CFAP99: variants seen among roughly 807,000 people sequenced by gnomAD.
CFAP99 encodes the protein cilia and flagella associated protein 99, also known as cilia- and flagella-associated protein 99.
CFAP99 carries 84 observed loss-of-function variants against 82.7 expected under a neutral mutation model. That is an observed-to-expected ratio of 1.02 (90% confidence interval 0.85 to 1.22). CFAP99 has a LOEUF of 1.22. CFAP99 is among the 50% of genes most tolerant of loss of function. CFAP99 has a pLI of 0.00. For synonymous variants in CFAP99, 456 were observed against 429.5 expected (o/e 1.06, Z -0.76); for missense variants, 1,059 against 983.5 (o/e 1.08, Z -1.03).
chr4:2,431,238 G>A (rs1438578198), intron 2 of CFAP99, among the ~76,000 whole-genome samples: 4 of 151,090 alleles, frequency 2.6e-5, no homozygotes, highest in Middle Eastern at 3.6e-3. Flanking sequence ...GCATGGTGGC[G>A]GGTGCCTGTG....
In CFAP99 at chr4:2,462,431, G is replaced by A. The variant is rs1190029555; in HGVS notation, c.1662-12G>A. On this transcript the variant is annotated splice_polypyrimidine_tract_variant and intron_variant, in intron 14 of 14. Transcript: ENST00000635017. The surrounding 1 kb of genome is among the most constrained non-coding windows in gnomAD (Gnocchi z 4.1). ...GCCGGCCTGCTCCTGAGCCCGCCGC[G>A]TCGCCCGCCAGGTGGGAGGAAAAGA... The A allele has an allele frequency of 2.8e-6, 4 of 1,422,606 alleles. No homozygotes were observed. The highest frequency in any genetic ancestry group is 3.6e-6 in the Non-Finnish European group (4 of 1,101,608). The allele number at this position is 1,422,606 out of a possible 1,614,324, so 88.1% of individuals were successfully genotyped here. A position where few individuals can be genotyped will look rare whatever the true frequency, so the allele number is the denominator to read the frequency against.
chr4:2,443,088 G>T (rs1372590888), intron 4 of CFAP99, 42 bp from the exon 5 acceptor site: 6 of 1,163,412 alleles, frequency 5.2e-6, no homozygotes, highest in Non-Finnish European at 7.4e-6. Flanking sequence ...TGAGGGGTTG[G>T]GCCCAGGGCT....
intron 1 of CFAP99, among the ~76,000 whole-genome samples, chr4:2,421,350 C>CTTTTTTTTTTTTTTTTTTT: frequency 1.0e-5 from 1 of 96,984 alleles, no homozygotes; most frequent in Non-Finnish European, 1.9e-5. Flanking sequence ...TCTGCCCACC[C>CTTTTTTTTTTTTTTTTTTT]TTTTTTTTTT....
rs575132580 is a variant in CFAP99, at chr4:2,438,013, C to T, written c.257-57C>T. ...TGGAGGCCTTCGGCTCCGGTCCCGCCGTGTGCCTGGTGCCCCGTGACGTCC... is the reference window on the plus strand; with the variant it reads ...TGGAGGCCTTCGGCTCCGGTCCCGCTGTGTGCCTGGTGCCCCGTGACGTCC... On this transcript the variant is annotated intron_variant, in intron 3 of 14. Transcript: ENST00000635017. 99 of 1,061,852 alleles carry T rather than the reference C, an allele frequency of 9.3e-5. 1 individual carries two copies. The highest frequency in any genetic ancestry group is 6.2e-4 in the South Asian group (46 of 73,634). The allele number at this position is 1,061,852 out of a possible 1,614,324, so 65.8% of individuals were successfully genotyped here.
At chr4:2,449,111 G>C (rs530111454) in intron 6 of CFAP99, among the ~76,000 whole-genome samples, 125 of 152,164 alleles carry the variant, frequency 8.2e-4, no homozygotes, top group Non-Finnish European at 1.5e-3. Flanking sequence ...CAGCAGTCTG[G>C]AGCTCAGGGA....
chr4:2,460,810 C>T (rs1000409639), intron 14 of CFAP99, among the ~76,000 whole-genome samples: 4 of 152,138 alleles, frequency 2.6e-5, no homozygotes, highest in African/African-American at 4.8e-5. Context: ...AGTGCAGTGG[C>T]GCAATCTCAG....
At chr4:2,440,364 T>A (rs1734007177) in intron 4 of CFAP99, among the ~76,000 whole-genome samples, 1 of 149,356 alleles carries the variant, frequency 6.7e-6, no homozygotes, top group Admixed American at 6.6e-5. Flanking sequence ...GCCGGGATGG[T>A]CTCGATCTCC....
intron 11 of CFAP99, among the ~76,000 whole-genome samples, chr4:2,452,930 G>A (rs2108732185): frequency 6.6e-6 from 1 of 152,222 alleles, no homozygotes; most frequent in South Asian, 2.1e-4. Flanking sequence ...GGGCATGGTG[G>A]TGCGTGCCCG....
chr4:2,456,950 CTTTT>C (rs574632036), intron 11 of CFAP99, among the ~76,000 whole-genome samples: 2 of 109,452 alleles, frequency 1.8e-5, no homozygotes, highest in African/African-American at 3.5e-5. Flanking sequence ...TCTTTGAATA[CTTTT>C]TTTTTTTTTT....
intron 11 of CFAP99, among the ~76,000 whole-genome samples, chr4:2,455,960 C>T (rs948845073): frequency 1.3e-5 from 2 of 152,152 alleles, no homozygotes; most frequent in Non-Finnish European, 2.9e-5. Flanking sequence ...TACCACAACC[C>T]GACGCATGGG....
chr4:2,429,837 C>A (rs564086843), intron 2 of CFAP99, among the ~76,000 whole-genome samples: 51 of 152,270 alleles, frequency 3.3e-4, no homozygotes, highest in Admixed American at 5.9e-4. Context: ...GTGATCCGCC[C>A]GCCTCGGCCT....
intron 2 of CFAP99, among the ~76,000 whole-genome samples, chr4:2,434,950 G>A (rs1302815065): frequency 2.0e-5 from 3 of 152,060 alleles, no homozygotes; most frequent in African/African-American, 7.2e-5. Context: ...AAGGTCATGT[G>A]GCTTGTGCAG....
chr4:2,441,894 G>T (rs1734049891), intron 4 of CFAP99, among the ~76,000 whole-genome samples: 1 of 152,316 alleles, frequency 6.6e-6, no homozygotes, highest in East Asian at 1.9e-4. Flanking sequence ...GCGGTGACAT[G>T]GTGTGGCTCC....
intron 3 of CFAP99, 47 bp from the exon 4 acceptor site, chr4:2,438,023 G>A: frequency 8.7e-7 from 1 of 1,143,558 alleles, no homozygotes; most frequent in Non-Finnish European, 1.2e-6. Context: ...CGTGTGCCTG[G>A]TGCCCCGTGA....
intron 1 of CFAP99, among the ~76,000 whole-genome samples, chr4:2,421,879 CAAAAA>C (rs34014257): frequency 2.0e-5 from 2 of 101,540 alleles, no homozygotes; most frequent in African/African-American, 6.2e-5. Context: ...CCTGTCTCTA[CAAAAA>C]AAAAAAAAAA....
chr4:2,429,240 C>A (rs1411074391), intron 2 of CFAP99: 1 of 152,192 alleles, frequency 6.6e-6, no homozygotes, highest in Non-Finnish European at 1.5e-5. Flanking sequence ...TGTGTGTTTA[C>A]CCCTTCCTCA....
intron 2 of CFAP99, among the ~76,000 whole-genome samples, chr4:2,436,496 C>G (rs185443395): frequency 2.0e-5 from 3 of 152,160 alleles, no homozygotes; most frequent in African/African-American, 7.2e-5. Flanking sequence ...GCTTTTCATC[C>G]GAGCGAACTG....
chr4:2,426,490 A>G (rs2108709601), exon 2 of CFAP99: 2 of 1,535,880 alleles, frequency 1.3e-6, no homozygotes, highest in East Asian at 2.4e-5. Flanking sequence ...CCTACTATGG[A>G]AAATGCATTG....
At chr4:2,426,403 G>C (rs1172020024) in intron 1 of CFAP99, 56 bp from the exon 2 acceptor site, 2 of 1,090,948 alleles carry the variant, frequency 1.8e-6, no homozygotes, top group African/African-American at 1.6e-5. Flanking sequence ...TGCTGGGGAG[G>C]GTCCTGCGGC....
Sources: allele counts gnomAD v4.1 joint callset (sites outside exome capture counted in the v4.1 genomes callset), GRCh38; gene constraint gnomAD v4.1.1; non-coding constraint Gnocchi (gnomAD v3.1); transcripts MANE v1.5; gene names NCBI Gene and HGNC (gene_info 2026-07-23, HGNC 2026-07-21).